The following FRMD4A variants were observed in gnomAD, a reference collection of about 807,000 sequenced individuals.
The protein encoded by FRMD4A is FERM domain-containing protein 4A.
In FRMD4A, 29 loss-of-function variants were observed where a neutral mutation model predicts 129.1. The observed-to-expected ratio is 0.22, with a 90% CI of 0.17 to 0.31. The LOEUF (loss-of-function observed/expected upper bound fraction) is 0.31. FRMD4A is among the 10% of genes least tolerant of loss of function. The pLI, the probability that FRMD4A is intolerant of heterozygous loss-of-function variation, is 1.00. For missense variants in FRMD4A, 1,272 were observed against 1,375.8 expected, an observed-to-expected ratio of 0.92 and a Z score of 1.19; for synonymous variants, 634 against 571.6, an observed-to-expected ratio of 1.11 and a Z score of -1.56.
intron 2 of FRMD4A, among the ~76,000 whole-genome samples, chr10:14,062,918 A>C (rs1262000376): frequency 6.6e-6 from 1 of 152,190 alleles, no homozygotes; most frequent in Non-Finnish European, 1.5e-5. Flanking sequence ...AATCCACACC[A>C]GTTGTCATTT....
chr10:14,049,909 G>C (rs1012438996), intron 2 of FRMD4A, among the ~76,000 whole-genome samples: 1 of 152,104 alleles, frequency 6.6e-6, no homozygotes, highest in Non-Finnish European at 1.5e-5. Flanking sequence ...CGCGTTGACT[G>C]TCTTTTTGCA....
chr10:14,051,729 C>A (rs527916440), intron 2 of FRMD4A, among the ~76,000 whole-genome samples: 129 of 152,320 alleles, frequency 8.5e-4, no homozygotes, highest in Non-Finnish European at 1.6e-3. Context: ...GCAGCCTAGT[C>A]TGGCACAGAG....
intron 3 of FRMD4A, among the ~76,000 whole-genome samples, chr10:13,824,353 C>G (rs1469879452): frequency 6.9e-6 from 1 of 145,404 alleles, no homozygotes; most frequent in African/African-American, 2.5e-5. Flanking sequence ...ATTAGCTGAG[C>G]ATGGTGGCAC....
At chr10:13,658,881 CAA>C (rs60536121) in intron 21 of FRMD4A, among the ~76,000 whole-genome samples, 10,418 of 74,962 alleles carry the variant, frequency 0.14, 1,188 homozygotes, top group African/African-American at 0.34. Flanking sequence ...GACTCCATCT[CAA>C]AAAAAAAAAA....
At chr10:14,254,971 G>A (rs1415125553) in intron 2 of FRMD4A, among the ~76,000 whole-genome samples, 1 of 152,064 alleles carries the variant, frequency 6.6e-6, no homozygotes, top group Non-Finnish European at 1.5e-5. Context: ...TTTGCCTCCA[G>A]ACTGCTCAAC....
intron 2 of FRMD4A, among the ~76,000 whole-genome samples, chr10:14,018,889 A>G (rs1001599436): frequency 5.9e-5 from 9 of 152,170 alleles, no homozygotes; most frequent in African/African-American, 2.2e-4. Flanking sequence ...CCTGGAACTT[A>G]GGAGAAGAGT....
At chr10:14,174,146 G>A (rs1228410123) in intron 2 of FRMD4A, among the ~76,000 whole-genome samples, 1 of 151,872 alleles carries the variant, frequency 6.6e-6, no homozygotes, top group Non-Finnish European at 1.5e-5. Flanking sequence ...GGGAGCCGTG[G>A]TGGCTCCCCT....
At chr10:14,164,811 G>A (rs904277590) in intron 2 of FRMD4A, among the ~76,000 whole-genome samples, 3 of 152,262 alleles carry the variant, frequency 2.0e-5, no homozygotes, top group East Asian at 1.9e-4. Flanking sequence ...TGCAACCCAC[G>A]ATGGCTTTGA....
chr10:14,143,466 G>A (rs913630714), intron 2 of FRMD4A, among the ~76,000 whole-genome samples: 1 of 152,224 alleles, frequency 6.6e-6, no homozygotes, highest in Non-Finnish European at 1.5e-5. Flanking sequence ...TGGTGGTTGG[G>A]GAGATGGAAT....
intron 2 of FRMD4A, among the ~76,000 whole-genome samples, chr10:14,172,636 C>T (rs937086790): frequency 3.3e-5 from 5 of 152,206 alleles, no homozygotes; most frequent in Non-Finnish European, 7.3e-5. Flanking sequence ...GATTACGATG[C>T]CATTCCCCAA....
chr10:13,669,306 C>T (rs1040126261), intron 17 of FRMD4A, among the ~76,000 whole-genome samples: 4 of 152,256 alleles, frequency 2.6e-5, no homozygotes, highest in East Asian at 3.9e-4. Flanking sequence ...AAGTGATCTG[C>T]GCACTCTGGC....
chr10:13,853,828 T>TCA (rs2094173746), intron 3 of FRMD4A, among the ~76,000 whole-genome samples: 1 of 55,324 alleles, frequency 1.8e-5, no homozygotes, highest in Non-Finnish European at 3.2e-5. Flanking sequence ...CAAGACTCTC[T>TCA]CAAAAAAAAA....
At chr10:14,187,817 C>T (rs994028889) in intron 2 of FRMD4A, among the ~76,000 whole-genome samples, 2 of 152,130 alleles carry the variant, frequency 1.3e-5, no homozygotes, top group African/African-American at 4.8e-5. Context: ...ATTTGGTTTT[C>T]TTTGATTCCA....
At chr10:14,112,457 G>C (rs1039125486) in intron 2 of FRMD4A, among the ~76,000 whole-genome samples, 1 of 152,204 alleles carries the variant, frequency 6.6e-6, no homozygotes, top group African/African-American at 2.4e-5. Context: ...GCTTTCAAGA[G>C]ATAACAATAG....
At chr10:13,862,328 C>T (rs1005554687) in intron 2 of FRMD4A, among the ~76,000 whole-genome samples, 1 of 152,104 alleles carries the variant, frequency 6.6e-6, no homozygotes, top group Non-Finnish European at 1.5e-5. Flanking sequence ...AAGTTTTAAT[C>T]GCAGTAATAA....
chr10:13,806,505 A>G (rs1404599814), intron 4 of FRMD4A, among the ~76,000 whole-genome samples: 2 of 152,154 alleles, frequency 1.3e-5, no homozygotes, highest in Non-Finnish European at 2.9e-5. Flanking sequence ...ATGGTCTGTA[A>G]CTTTACAGGC....
intron 2 of FRMD4A, among the ~76,000 whole-genome samples, chr10:13,908,884 C>T (rs2094910902): frequency 6.6e-6 from 1 of 152,078 alleles, no homozygotes; most frequent in Non-Finnish European, 1.5e-5. Context: ...ATATACTTAC[C>T]CTAACAAAAG....
At chr10:14,272,773 T>C (rs1293019628) in intron 2 of FRMD4A, among the ~76,000 whole-genome samples, 3 of 152,212 alleles carry the variant, frequency 2.0e-5, no homozygotes, top group African/African-American at 7.2e-5. Flanking sequence ...TGGTCAGGAA[T>C]ATTGACTTGC....
intron 2 of FRMD4A, among the ~76,000 whole-genome samples, chr10:14,252,494 C>A (rs887271995): frequency 4.6e-5 from 7 of 152,180 alleles, no homozygotes; most frequent in African/African-American, 1.7e-4. Context: ...AGAGCATAGG[C>A]CAAGCATTTT....
Sources: gnomAD v4.1 joint callset for allele counts (sites outside exome capture counted in the v4.1 genomes callset) on GRCh38, gnomAD v4.1.1 for gene constraint, MANE v1.5 for transcripts, NCBI Gene and HGNC (gene_info 2026-07-23, HGNC 2026-07-21) for gene names.